Variants in ORC2 observed in about 807,000 individuals in gnomAD.
ORC2 encodes origin recognition complex protein 2 homolog.
Under a neutral mutation model 77.7 loss-of-function variants are expected in ORC2, and 37 were observed. The ratio of observed to expected loss-of-function variants is 0.48; its 90% CI spans 0.37 to 0.63. ORC2 has a LOEUF of 0.63. Ranked by LOEUF, ORC2 falls within the 20% of genes least tolerant of loss-of-function variation. The pLI, the probability that ORC2 is intolerant of heterozygous loss-of-function variation, is 0.00. For synonymous variants in ORC2, 201 were observed against 229.5 expected (o/e 0.88, Z 1.12); for missense variants, 557 against 661.9 (o/e 0.84, Z 1.74).
Position 200,941,253 on chromosome 2 carries a change from G to T in ORC2, c.448C>A (p.Pro150Thr). 1.2e-6 allele frequency: 2 copies of T among 1,609,412 alleles called. No homozygotes were observed. Among genetic ancestry groups the T allele is most frequent in the Non-Finnish European group, 1.7e-6 (2 of 1,176,804 alleles). ...CTTTTTAGTCAATTGCTTACCTTCGGTTGAACCTTGTCTGAAGCAGAATGG... is the reference window on the plus strand; with the variant it reads ...CTTTTTAGTCAATTGCTTACCTTCGTTTGAACCTTGTCTGAAGCAGAATGG... ...KGHSASDKVQPKNNDKSEFLS... is the reference protein window; with the variant it reads ...KGHSASDKVQTKNNDKSEFLS... The change falls in exon 7 of 18, where the codon CCG becomes ACG. Residue 150 changes from proline to threonine, a missense_variant. Pro to Thr is a conservative substitution (Grantham distance 38). Coordinates refer to ENST00000234296, the MANE Select transcript of ORC2 (RefSeq NM_006190.5).
At chr2:200,935,639 G>T in intron 9 of ORC2, 60 bp downstream of exon 9, 2 of 1,159,050 alleles carry the variant, frequency 1.7e-6, no homozygotes, top group Non-Finnish European at 1.2e-6. Context: ...TCTTAGGGTA[G>T]CCTATCTTTG....
intron 12 of ORC2, 41 bp from the exon 13 acceptor site, chr2:200,925,973 T>C (rs1384938455): frequency 1.2e-6 from 1 of 858,552 alleles, no homozygotes; most frequent in South Asian, 1.6e-5. Context: ...TTAATTACAA[T>C]TTATTGTCAT....
chr2:200,913,477 C>T lies in ORC2; in HGVS notation c.1529-64G>A, dbSNP rs1424076511. The T allele has an allele frequency of 4.0e-6, 6 of 1,495,980 alleles. No individual in the cohort carries two copies. The African/African-American group carries it at 8.5e-5, about 21-fold the overall frequency. 92.7% of individuals were successfully genotyped at this position (1,495,980 alleles called of 1,614,324 possible). On this transcript the variant is annotated intron_variant, in intron 16 of 17. Coordinates refer to ENST00000234296, the MANE Select transcript of ORC2 (RefSeq NM_006190.5). ...TAAGACATGACCCAATATACAAACA[C>T]CCATACAAAAGAACAGAATAAAAGT...
chr2:200,936,153 G>C (rs1265953589), intron 8 of ORC2, among the ~76,000 whole-genome samples: 1 of 152,184 alleles, frequency 6.6e-6, no homozygotes, highest in Non-Finnish European at 1.5e-5. Context: ...TGACACACAG[G>C]AACTGTGATA....
Position 200,926,014 on chromosome 2 carries a change from A to G in ORC2, c.1051-82T>C, listed in dbSNP as rs1259790946. The G allele has an allele frequency of 5.2e-6, 3 of 578,934 alleles. No individual in the cohort carries two copies. The East Asian group carries it at 9.4e-5, about 18-fold the overall frequency. The allele number at this position is 578,934 out of a possible 1,614,324, so 35.9% of individuals were successfully genotyped here. A position where few individuals can be genotyped will look rare whatever the true frequency, so the allele number is the denominator to read the frequency against. On this transcript the variant is annotated intron_variant, in intron 12 of 17. Coordinates refer to ENST00000234296, the MANE Select transcript of ORC2 (RefSeq NM_006190.5). ...ACTAGAAAATCAAACCTTTTTTTATAAATTAAAAATGAATTTGGATTTCCC... is the reference window on the plus strand; with the variant it reads ...ACTAGAAAATCAAACCTTTTTTTATGAATTAAAAATGAATTTGGATTTCCC...
chr2:200,916,505 C>CCTA (rs906710165), intron 15 of ORC2, among the ~76,000 whole-genome samples: 2 of 151,922 alleles, frequency 1.3e-5, no homozygotes, highest in African/African-American at 2.4e-5. Context: ...CTTGCATCAG[C>CCTA]GTAGCCAGTG....
At chr2:200,915,201 C>T (rs1476942407) in intron 15 of ORC2, among the ~76,000 whole-genome samples, 2 of 151,578 alleles carry the variant, frequency 1.3e-5, no homozygotes, top group Non-Finnish European at 2.9e-5. Flanking sequence ...TTAGTAGAGA[C>T]GGGGTTTCGC....
chr2:200,927,421 G>A lies in ORC2; in HGVS notation c.918-521C>T, dbSNP rs564128737. ...ATTTAAAAAAAAAATTAGGTCAGGT[G>A]CGGTGGCTCACGCCTGTAATCCCAG... On this transcript the variant is annotated intron_variant, in intron 11 of 17. Transcript: ENST00000234296. 1.3e-4 allele frequency among the ~76,000 whole-genome samples: 20 copies of A among 151,430 alleles called. No individual in the cohort carries two copies. In the East Asian group the frequency reaches 4.0e-3, roughly 30 times the overall value.
chr2:200,958,208 G>A, intron 2 of ORC2, 75 bp from the exon 3 acceptor site: 1 of 808,916 alleles, frequency 1.2e-6, no homozygotes. Flanking sequence ...TTCACATAAT[G>A]AATACATGTC....
chr2:200,913,252 C>T (rs762996489), intron 17 of ORC2, 43 bp downstream of exon 17: 27 of 1,406,388 alleles, frequency 1.9e-5, no homozygotes, highest in South Asian at 9.6e-5. Flanking sequence ...GTAAATGATA[C>T]GGACTATTCC....
At chr2:200,933,703 C>G in intron 10 of ORC2, among the ~76,000 whole-genome samples, 173 bp downstream of exon 10, 1 of 152,106 alleles carries the variant, frequency 6.6e-6, no homozygotes, top group Non-Finnish European at 1.5e-5. Context: ...GCCAGGTGTG[C>G]CCGGCCTATT....
chr2:200,931,374 A>G lies in ORC2; in HGVS notation c.882T>C (p.Tyr294=). 2 of 1,516,694 alleles carry G rather than the reference A, an allele frequency of 1.3e-6. No individual in the cohort carries two copies. Among genetic ancestry groups the G allele is most frequent in the Non-Finnish European group, 1.8e-6 (2 of 1,130,848 alleles). The allele number at this position is 1,516,694 out of a possible 1,614,324, so 94.0% of individuals were successfully genotyped here. The change falls in exon 11 of 18, where the codon TAT becomes TAC. Residue 294 remains tyrosine (Y), a synonymous_variant. Coordinates refer to ENST00000234296, the MANE Select transcript of ORC2 (RefSeq NM_006190.5). ...GCATCCATTTATGAAATAATTTTTC[A>G]TACTGTTGATTTAGTTGTTTAAGTT... ...SAELKQLNQQ[Y]EKLFHKWMLQ...
At chr2:200,911,850 T>C (rs2040556136) in intron 17 of ORC2, among the ~76,000 whole-genome samples, 1 of 152,236 alleles carries the variant, frequency 6.6e-6, no homozygotes, top group Non-Finnish European at 1.5e-5. Context: ...TTGGCTATGA[T>C]GGCAGTCTCC....
chr2:200,912,986 A>G (rs1158062213), intron 17 of ORC2, among the ~76,000 whole-genome samples: 1 of 152,230 alleles, frequency 6.6e-6, no homozygotes, highest in East Asian at 1.9e-4. Flanking sequence ...TTAGTACTCA[A>G]TAAATACAGA....
chr2:200,912,320 T>C (rs2040564913), intron 17 of ORC2, among the ~76,000 whole-genome samples: 1 of 152,216 alleles, frequency 6.6e-6, no homozygotes, highest in South Asian at 2.1e-4. Context: ...GACATTTCCA[T>C]TTGGAAATCT....
At chr2:200,913,174 T>C in intron 17 of ORC2, 121 bp downstream of exon 17, 1 of 635,276 alleles carries the variant, frequency 1.6e-6, no homozygotes, top group Non-Finnish European at 2.5e-6. Flanking sequence ...CCTAAATGAA[T>C]CTCTGTGACT....
At chr2:200,939,259 A>T (rs912017731) in intron 7 of ORC2, among the ~76,000 whole-genome samples, 1 of 152,192 alleles carries the variant, frequency 6.6e-6, no homozygotes, top group Non-Finnish European at 1.5e-5. Context: ...TTTATGTCCT[A>T]TTAAACTGAT....
chr2:200,943,792 T>C (rs868449780), intron 5 of ORC2, among the ~76,000 whole-genome samples: 2 of 151,060 alleles, frequency 1.3e-5, no homozygotes, highest in African/African-American at 2.5e-5. Context: ...TTCTATATGA[T>C]TCACTAAGTT....
chr2:200,962,697 A>T (rs1195563798), intron 1 of ORC2, among the ~76,000 whole-genome samples: 1 of 152,222 alleles, frequency 6.6e-6, no homozygotes, highest in East Asian at 1.9e-4. Context: ...TCTCTAACTC[A>T]TTCAACATCT....
Sources: allele counts gnomAD v4.1 joint callset (sites outside exome capture counted in the v4.1 genomes callset), GRCh38; gene constraint gnomAD v4.1.1; transcripts MANE v1.5; gene names NCBI Gene and HGNC (gene_info 2026-07-23, HGNC 2026-07-21).